Variants in MACF1 observed in about 807,000 individuals in gnomAD.
MACF1 encodes the protein microtubule-actin cross-linking factor 1.
A neutral mutation model predicts 854.8 loss-of-function variants in MACF1; 193 were observed. The observed-to-expected ratio is 0.23, with a 90% CI of 0.20 to 0.25. MACF1 has a LOEUF of 0.25. Ranked by LOEUF, MACF1 falls within the 10% of genes least tolerant of loss-of-function variation. The pLI, the probability that MACF1 is intolerant of heterozygous loss-of-function variation, is 1.00. For missense variants in MACF1, 7,722 were observed against 8,929.1 expected (o/e 0.86, Z 5.45); for synonymous variants, 3,185 against 3,226.7 (o/e 0.99, Z 0.44).
At chr1:39,297,556 T>C in intron 20 of MACF1, 64 bp from the exon 21 acceptor site, 1 of 1,597,816 alleles carries the variant, frequency 6.3e-7, no homozygotes, top group South Asian at 1.1e-5. Flanking sequence ...TTGTTCTTTC[T>C]TAGTTAATAT....
intron 22 of MACF1, among the ~76,000 whole-genome samples, chr1:39,301,385 C>T (rs866764721): frequency 1.2e-4 from 18 of 151,534 alleles, no homozygotes; most frequent in Non-Finnish European, 2.1e-4. Flanking sequence ...CTTGGCCTCC[C>T]AAAGTGCTGG....
intron 2 of MACF1, among the ~76,000 whole-genome samples, chr1:39,109,464 A>G (rs1340943466): frequency 6.6e-6 from 1 of 151,866 alleles, no homozygotes. Context: ...TTTAGTAGAG[A>G]TGGGGTTTCA....
Position 39,295,817 on chromosome 1 carries a change from C to G in MACF1, c.2290C>G (p.Gln764Glu). 1.2e-6 allele frequency: 2 copies of G among 1,613,996 alleles called. No homozygotes were observed. The highest frequency in any genetic ancestry group is 1.7e-6 in the Non-Finnish European group (2 of 1,179,946). The change falls in exon 20 of 101, where the codon CAG (glutamine) becomes GAG (glutamate). Residue 764 changes from glutamine (Q) to glutamate (E), a missense_variant. Around this residue, in one of 15 missense-constraint regions of MACF1, gnomAD observed 1,137 missense variants for 1,263.0 expected, o/e 0.90. Transcript: ENST00000564288. ...AYSAAVQSQL[Q>E]WMKQLCLCVE... ...CAGTGCTGCTGTCCAGTCCCAGTTG[C>G]AGTGGATGAAGCAGCTGTGCCTGTG...
At chr1:39,123,633 G>A (rs1181848504) in intron 2 of MACF1, among the ~76,000 whole-genome samples, 3 of 151,230 alleles carry the variant, frequency 2.0e-5, no homozygotes, top group South Asian at 2.1e-4. Context: ...CAATCTCCCC[G>A]GGCTCAGGTG....
Position 39,297,742 on chromosome 1 carries a change from C to T in MACF1, c.2478C>T (p.Ser826=), listed in dbSNP as rs769489701. The change falls in exon 21 of 101, where the codon TCC becomes TCT. Residue 826 remains serine, a synonymous_variant. Coordinates refer to ENST00000564288, the MANE Select transcript of MACF1 (RefSeq NM_001394062.1). ...GCCTTGAAGACCTGCTCCAGGACTC[C>T]ATGGTGGGTGTTGCCTCAGTGGGGA... ...LSRLEDLLQD[S]MDEKEQLIQS... is the part of the protein sequence containing the mutation. 8.1e-6 allele frequency: 13 copies of T among 1,613,920 alleles called. No individual in the cohort carries two copies. Among genetic ancestry groups the T allele is most frequent in the Non-Finnish European group, 1.1e-5 (13 of 1,180,006 alleles).
Position 39,144,282 on chromosome 1 carries a change from T to C in MACF1, c.220+59844T>C, listed in dbSNP as rs573029751. On this transcript the variant is annotated intron_variant, in intron 2 of 93. Coordinates refer to the MACF1 transcript ENST00000361689. Reference sequence around the variant, plus strand: ...TTTTAGGAGAAGCGGGGTTTCACCATGTTGGCCAGGCTGGTCCCGAACTCC... The same window carrying C: ...TTTTAGGAGAAGCGGGGTTTCACCACGTTGGCCAGGCTGGTCCCGAACTCC... Among the ~76,000 whole-genome samples, 306 of 152,164 alleles carry C rather than the reference T, an allele frequency of 2.0e-3. 2 individuals are homozygous for C. The highest frequency in any genetic ancestry group is 7.1e-3 in the African/African-American group (296 of 41,514).
chr1:39,258,218 C>T lies in MACF1; in HGVS notation c.528+190C>T, dbSNP rs550502134. Among the ~76,000 whole-genome samples the T allele has an allele frequency of 2.6e-4, 39 of 152,304 alleles. 1 individual carries two copies. The East Asian group carries it at 4.8e-3, about 19-fold the overall frequency. ...TGTTGTATCGTAAACGCAAAACTTC[C>T]TAATTATTTGCTTAATTAAATGGAG... On this transcript the variant is annotated intron_variant, in intron 6 of 100. Transcript: ENST00000564288.
intron 2 of MACF1, among the ~76,000 whole-genome samples, chr1:39,239,611 A>C (rs1045191260): frequency 5.3e-5 from 8 of 152,230 alleles, no homozygotes; most frequent in African/African-American, 1.9e-4. Flanking sequence ...TATCTATGCC[A>C]TATCTCTGGG....
At chr1:39,479,748 T>C in intron 97 of MACF1, 50 bp from the exon 98 acceptor site, 1 of 1,553,248 alleles carries the variant, frequency 6.4e-7, no homozygotes, top group Non-Finnish European at 8.9e-7. Context: ...CCGTCAAAAA[T>C]ATATTTTTTA....
At chr1:39,395,349 T>C (rs1414848364) in intron 58 of MACF1, among the ~76,000 whole-genome samples, 1 of 152,266 alleles carries the variant, frequency 6.6e-6, no homozygotes. Context: ...TAAATATTTA[T>C]GTAACAAGCA....
At chr1:39,383,935 G>T (rs540741859) in intron 56 of MACF1, among the ~76,000 whole-genome samples, 1 of 152,084 alleles carries the variant, frequency 6.6e-6, no homozygotes, top group Non-Finnish European at 1.5e-5. Context: ...TGGCTTAATA[G>T]GCTATTCTGC....
Position 39,360,823 on chromosome 1 carries a change from C to T in MACF1, c.12275C>T (p.Ser4092Phe). 1.2e-6 allele frequency: 2 copies of T among 1,614,018 alleles called. No homozygotes were observed. Among genetic ancestry groups the T allele is most frequent in the South Asian group, 1.1e-5 (1 of 91,076 alleles). ...ATACTCAGCCACTTCCAAAGCCTCTCCTATAGCCTGGCTGAGCGATCTTCT... is the reference window on the plus strand; with the variant it reads ...ATACTCAGCCACTTCCAAAGCCTCTTCTATAGCCTGGCTGAGCGATCTTCT... Reference protein sequence around the residue: ...DSILSHFQSLSYSLAERSSLL... With the variant: ...DSILSHFQSLFYSLAERSSLL... Residue 4092 changes from serine (S) to phenylalanine (F), a missense_variant, in exon 48 of 101, where the codon TCC becomes TTC. Physicochemically the swap from Ser to Phe is radical, Grantham distance 155. Transcript: ENST00000564288.
intron 2 of MACF1, among the ~76,000 whole-genome samples, chr1:39,147,986 T>C (rs1643503213): frequency 6.6e-6 from 1 of 152,174 alleles, no homozygotes; most frequent in African/African-American, 2.4e-5. Context: ...TTTTTACTTT[T>C]TCTGCCTCAC....
In MACF1 at chr1:39,130,986, C is replaced by T. The variant is rs138157155; in HGVS notation, c.220+46548C>T. ...CCTCCCGAGGAGCTGGGATTACAGG[C>T]ATTACAGACGTGTGCCACCATGCCT... is the stretch of plus-strand genomic sequence containing the variant. On this transcript the variant is annotated intron_variant, in intron 2 of 93. Transcript: ENST00000361689. Among the ~76,000 whole-genome samples the T allele has an allele frequency of 5.0e-3, 763 of 151,470 alleles. 9 individuals are homozygous for T. Among genetic ancestry groups the T allele is most frequent in the African/African-American group, 0.017 (717 of 41,264 alleles).
chr1:39,119,137 G>A (rs1205019665), intron 2 of MACF1, among the ~76,000 whole-genome samples: 1 of 152,046 alleles, frequency 6.6e-6, no homozygotes, highest in African/African-American at 2.4e-5. Context: ...GGACCAACAT[G>A]GAGAAACCCC....
At chr1:39,188,622 T>G (rs2148244224) in intron 2 of MACF1, among the ~76,000 whole-genome samples, 1 of 152,244 alleles carries the variant, frequency 6.6e-6, no homozygotes, top group Admixed American at 6.5e-5. Flanking sequence ...TTGTCAAAGT[T>G]TATTGATTGA....
chr1:39,089,502 C>T (rs1405860173), intron 2 of MACF1, among the ~76,000 whole-genome samples: 1 of 152,178 alleles, frequency 6.6e-6, no homozygotes. Flanking sequence ...TTTATATTCA[C>T]GTTCATTGTT....
intron 6 of MACF1, among the ~76,000 whole-genome samples, chr1:39,267,968 T>G (rs929305985): frequency 1.3e-5 from 2 of 152,246 alleles, no homozygotes; most frequent in African/African-American, 4.8e-5. Context: ...TTTCTTCAGG[T>G]TATAATTTCA....
intron 58 of MACF1, among the ~76,000 whole-genome samples, chr1:39,417,905 G>A (rs1285073008): frequency 6.6e-6 from 1 of 151,768 alleles, no homozygotes; most frequent in African/African-American, 2.4e-5. Flanking sequence ...TACCTACTCT[G>A]TGCCAGGTAC....
Sources: gnomAD v4.1 joint callset for allele counts (sites outside exome capture counted in the v4.1 genomes callset) on GRCh38, gnomAD v4.1.1 for gene constraint, gnomAD v4.1.1 regional missense constraint, MANE v1.5 for transcripts, NCBI Gene and HGNC (gene_info 2026-07-23, HGNC 2026-07-21) for gene names.